TTC28: variants seen among roughly 807,000 people sequenced by gnomAD.
TTC28 encodes the protein tetratricopeptide repeat domain 28.
Under a neutral mutation model 198.0 loss-of-function variants are expected in TTC28, and 61 were observed. The observed-to-expected ratio is 0.31, with a 90% CI of 0.25 to 0.38. The LOEUF (loss-of-function observed/expected upper bound fraction) is 0.38. Among genes scored for constraint, TTC28 ranks in the 10% least tolerant of loss-of-function variants. The probability of loss-of-function intolerance (pLI) is 1.00; values close to 1 mark genes in which losing one functional copy is unlikely to be tolerated. For synonymous variants in TTC28, 1,171 were observed against 1,297.8 expected (o/e 0.90, Z 2.10); for missense variants, 2,678 against 3,164.0 (o/e 0.85, Z 3.69).
intron 2 of TTC28, among the ~76,000 whole-genome samples, chr22:28,337,025 T>C (rs1023348074): frequency 2.6e-5 from 4 of 152,188 alleles, no homozygotes; most frequent in African/African-American, 7.2e-5. Context: ...GTTCCAGAGA[T>C]TCTGGTATGT....
Position 28,085,202 on chromosome 22 carries a change from A to G in TTC28, c.3932+8878T>C, listed in dbSNP as rs1236687052. ...CCCGAGAAGAGCAACTCCAAGACAC[A>G]TCATTGTCAGATTCACCAAAGTTGA... On this transcript the variant is annotated intron_variant, in intron 12 of 22. Transcript: ENST00000397906. 2.0e-5 allele frequency among the ~76,000 whole-genome samples: 3 copies of G among 152,062 alleles called. 1 individual carries two copies. Among genetic ancestry groups the G allele is most frequent in the Non-Finnish European group, 4.4e-5 (3 of 67,998 alleles).
At chr22:27,987,139 G>A (rs1008468619) in intron 21 of TTC28, among the ~76,000 whole-genome samples, 8 of 152,260 alleles carry the variant, frequency 5.3e-5, no homozygotes, top group Admixed American at 4.6e-4. Context: ...TCTCCTCCCC[G>A]AGCTGTATGT....
chr22:28,094,454 G>A (rs944392425), intron 11 of TTC28, among the ~76,000 whole-genome samples: 3 of 152,136 alleles, frequency 2.0e-5, no homozygotes, highest in African/African-American at 7.2e-5. Flanking sequence ...TTACCATTAG[G>A]TGTGGGGCTT....
intron 1 of TTC28, among the ~76,000 whole-genome samples, chr22:28,673,516 C>T (rs753520421): frequency 1.3e-4 from 20 of 152,110 alleles, no homozygotes; most frequent in Non-Finnish European, 1.6e-4. Flanking sequence ...ATACTATGGA[C>T]GTAGTTCAGA....
chr22:28,071,655 G>C (rs1940973338), intron 12 of TTC28, among the ~76,000 whole-genome samples: 1 of 142,828 alleles, frequency 7.0e-6, no homozygotes, highest in Non-Finnish European at 1.5e-5. Context: ...AGTGGGTGCA[G>C]CGCACCAGCA....
intron 12 of TTC28, among the ~76,000 whole-genome samples, chr22:28,054,322 G>GTCC (rs1380655812): frequency 6.6e-6 from 1 of 152,196 alleles, no homozygotes; most frequent in Non-Finnish European, 1.5e-5. Context: ...TCAGGCCGAG[G>GTCC]CAGTGCCAAT....
chr22:28,566,717 AAG>A (rs1400530988), intron 2 of TTC28, among the ~76,000 whole-genome samples: 8 of 152,336 alleles, frequency 5.3e-5, no homozygotes, highest in Admixed American at 5.2e-4. Context: ...AAAAAGAACA[AAG>A]AGAAAAAAAG....
intron 6 of TTC28, among the ~76,000 whole-genome samples, chr22:28,110,177 T>G (rs1047205288): frequency 6.6e-6 from 1 of 152,190 alleles, no homozygotes; most frequent in Non-Finnish European, 1.5e-5. Context: ...AGGGTGAGTC[T>G]GTGGGGACCA....
chr22:28,075,792 C>T (rs1212409774), intron 12 of TTC28, among the ~76,000 whole-genome samples: 1 of 152,188 alleles, frequency 6.6e-6, no homozygotes, highest in African/African-American at 2.4e-5. Flanking sequence ...CTTTGGAAGC[C>T]TCTTGAATCA....
At chr22:28,478,888 C>T (rs561388733) in intron 2 of TTC28, among the ~76,000 whole-genome samples, 1 of 152,196 alleles carries the variant, frequency 6.6e-6, no homozygotes, top group South Asian at 2.1e-4. Context: ...TCTTCTACCA[C>T]ATCACCCTCA....
chr22:28,143,914 T>C (rs1428860676), intron 6 of TTC28, among the ~76,000 whole-genome samples: 1 of 152,182 alleles, frequency 6.6e-6, no homozygotes, highest in East Asian at 1.9e-4. Context: ...TCAGGAATCT[T>C]CAAATTTTTT....
chr22:28,619,234 A>T (rs1239219190), intron 2 of TTC28, among the ~76,000 whole-genome samples: 1 of 152,226 alleles, frequency 6.6e-6, no homozygotes, highest in Non-Finnish European at 1.5e-5. Flanking sequence ...AATAACTTGT[A>T]TATAAAAAAC....
At chr22:28,027,027 T>G (rs985941025) in intron 13 of TTC28, among the ~76,000 whole-genome samples, 4 of 152,160 alleles carry the variant, frequency 2.6e-5, no homozygotes, top group African/African-American at 9.7e-5. Context: ...TTCTTCGTCT[T>G]TTCTACAGCA....
intron 3 of TTC28, among the ~76,000 whole-genome samples, chr22:28,301,573 A>T (rs1252939522): frequency 6.6e-6 from 1 of 152,236 alleles, no homozygotes; most frequent in Non-Finnish European, 1.5e-5. Context: ...TCAGAGATGC[A>T]CATTTATTCA....
chr22:28,473,741 C>T (rs1236165861), intron 2 of TTC28, among the ~76,000 whole-genome samples: 2 of 152,166 alleles, frequency 1.3e-5, no homozygotes, highest in South Asian at 4.1e-4. Flanking sequence ...CTGGGCTAAG[C>T]CCCACTTTGG....
At chr22:28,216,413 T>A (rs533037203) in intron 5 of TTC28, among the ~76,000 whole-genome samples, 73 of 152,270 alleles carry the variant, frequency 4.8e-4, no homozygotes, top group South Asian at 1.5e-3. Context: ...CATTAATAAG[T>A]CTAACTCTCC....
intron 2 of TTC28, among the ~76,000 whole-genome samples, chr22:28,471,886 A>T (rs1243265255): frequency 6.6e-6 from 1 of 152,132 alleles, no homozygotes; most frequent in African/African-American, 2.4e-5. Context: ...TCTGACCTTT[A>T]TTAGGATATA....
chr22:28,219,472 C>T (rs1454437247), intron 5 of TTC28, among the ~76,000 whole-genome samples: 1 of 151,088 alleles, frequency 6.6e-6, no homozygotes, highest in Non-Finnish European at 1.5e-5. Flanking sequence ...CGCACCATTG[C>T]ACTCTGGCCT....
chr22:28,164,817 A>G (rs1921700640), intron 5 of TTC28, among the ~76,000 whole-genome samples: 1 of 152,214 alleles, frequency 6.6e-6, no homozygotes, highest in Non-Finnish European at 1.5e-5. Flanking sequence ...AGTTGAGAGA[A>G]GAAGGCTTAA....
Sources: allele counts gnomAD v4.1 joint callset (sites outside exome capture counted in the v4.1 genomes callset), GRCh38; gene constraint gnomAD v4.1.1; transcripts MANE v1.5; gene names NCBI Gene and HGNC (gene_info 2026-07-23, HGNC 2026-07-21).